The following ZNF746 variants were observed in gnomAD, a reference collection of about 807,000 sequenced individuals.
ZNF746 encodes parkin-interacting substrate.
Under a neutral mutation model 41.0 loss-of-function variants are expected in ZNF746, and 13 were observed. The ratio of observed to expected loss-of-function variants is 0.32; its 90% CI spans 0.21 to 0.50. The LOEUF (loss-of-function observed/expected upper bound fraction) is 0.50. ZNF746 is among the 20% of genes least tolerant of loss of function. The pLI, the probability that ZNF746 is intolerant of heterozygous loss-of-function variation, is 0.98. For missense variants in ZNF746, 811 were observed against 922.9 expected (o/e 0.88, Z 1.57); for synonymous variants, 424 against 396.2 (o/e 1.07, Z -0.83).
chr7:149,493,506 GC>G (rs1005042849), intron 3 of ZNF746, among the ~76,000 whole-genome samples: 272 of 152,308 alleles, frequency 1.8e-3, no homozygotes, highest in African/African-American at 6.0e-3. Context: ...AAGAGCAGTA[GC>G]CCCAGGGGCT....
intron 5 of ZNF746, 96 bp downstream of exon 5, chr7:149,477,468 G>A (rs916107029): frequency 5.8e-6 from 8 of 1,375,046 alleles, no homozygotes; most frequent in Non-Finnish European, 8.0e-6. Context: ...CGGAAGTGTT[G>A]AGGGCCCACA....
Position 149,497,033 on chromosome 7 carries a change from G to A in ZNF746, c.24+480C>T, listed in dbSNP as rs1012725933. 6 of 985,308 alleles carry A rather than the reference G, an allele frequency of 6.1e-6. No individual in the cohort carries two copies. In the African/African-American group the frequency reaches 1.0e-4, roughly 17 times the overall value. 61.0% of individuals were successfully genotyped at this position (985,308 alleles called of 1,614,324 possible). A position where few individuals can be genotyped will look rare whatever the true frequency, so the allele number is the denominator to read the frequency against. On this transcript the variant is annotated intron_variant, in intron 1 of 6. Coordinates refer to ENST00000458143, the MANE Select transcript of ZNF746 (RefSeq NM_001394198.1). The surrounding 1 kb of genome is among the most constrained non-coding windows in gnomAD (Gnocchi z 4.2). ...TCAACAGGGCTTGTGGAAGTGCGTG[G>A]CTCTATATTCCCTTCCGCGCCGACC...
rs905385256 is a variant in ZNF746, at chr7:149,474,188, C to T, written c.*196G>A. 14 of 583,604 alleles carry T rather than the reference C, an allele frequency of 2.4e-5. No homozygotes were observed. The highest frequency in any genetic ancestry group is 4.1e-5 in the Non-Finnish European group (14 of 342,654). 36.2% of individuals were successfully genotyped at this position (583,604 alleles called of 1,614,324 possible). On this transcript the variant is annotated 3_prime_UTR_variant, in exon 7 of 7. Transcript: ENST00000458143. The surrounding 1 kb of genome is among the most constrained non-coding windows in gnomAD (Gnocchi z 6.3). ...AAAATTCTACGGCGCTCCCATTTCA[C>T]AGAGAATTCTACTTGGTTTAGAGGT...
At chr7:149,482,389 G>C (rs1800507878) in intron 4 of ZNF746, among the ~76,000 whole-genome samples, 2 of 150,612 alleles carry the variant, frequency 1.3e-5, no homozygotes, top group Admixed American at 6.6e-5. Flanking sequence ...AATAAACTTT[G>C]AAAGTAAAAA....
In ZNF746 at chr7:149,476,904, T is replaced by A; in HGVS notation, c.883+18A>T. ...CAGGCAAGCATGGCCCTTCCCTTCCTCCTCTCGCCACCTGTACCTTCCGTG... is the reference window on the plus strand; with the variant it reads ...CAGGCAAGCATGGCCCTTCCCTTCCACCTCTCGCCACCTGTACCTTCCGTG... On this transcript the variant is annotated intron_variant, in intron 6 of 6. Transcript: ENST00000458143. 1 of 1,613,770 alleles carries A rather than the reference T, an allele frequency of 6.2e-7. No individual in the cohort carries two copies. Among genetic ancestry groups the A allele is most frequent in the Non-Finnish European group, 8.5e-7 (1 of 1,179,906 alleles).
chr7:149,487,734 C>T (rs138547568), intron 4 of ZNF746: 2 of 152,178 alleles, frequency 1.3e-5, no homozygotes, highest in African/African-American at 4.8e-5. Context: ...AAACAACTAT[C>T]AGAAGAAAAC....
Position 149,475,494 on chromosome 7 carries a change from C to A in ZNF746, c.884-11G>T, listed in dbSNP as rs1585719461. ...CAATTTTTACATCTGCTGAGAAAGA[C>A]AGAAAGACAGATACTGACCTGTCCC... On this transcript the variant is annotated splice_polypyrimidine_tract_variant and intron_variant, in intron 6 of 6. Transcript: ENST00000458143. 5 of 1,606,670 alleles carry A rather than the reference C, an allele frequency of 3.1e-6. No individual in the cohort carries two copies. Among genetic ancestry groups the A allele is most frequent in the Non-Finnish European group, 4.3e-6 (5 of 1,175,604 alleles).
At chr7:149,488,677 A>C (rs1380511000) in intron 4 of ZNF746, 1 of 152,282 alleles carries the variant, frequency 6.6e-6, no homozygotes, top group African/African-American at 2.4e-5. Flanking sequence ...TCAGGTCGGC[A>C]AAAATGTAAT....
intron 6 of ZNF746, among the ~76,000 whole-genome samples, chr7:149,476,096 T>C (rs1343004821): frequency 6.6e-6 from 1 of 152,078 alleles, no homozygotes; most frequent in Admixed American, 6.5e-5. Flanking sequence ...GGGGGGATCA[T>C]GAGGTCAGGA....
chr7:149,497,515 G>T lies in ZNF746; in HGVS notation c.22C>A (p.Pro8Thr), dbSNP rs914580786. The T allele has an allele frequency of 3.6e-6, 4 of 1,104,044 alleles. No homozygotes were observed. The highest frequency in any genetic ancestry group is 4.4e-6 in the Non-Finnish European group (4 of 908,742). 68.4% of individuals were successfully genotyped at this position (1,104,044 alleles called of 1,614,324 possible). A position where few individuals can be genotyped will look rare whatever the true frequency, so the allele number is the denominator to read the frequency against. The change falls in exon 1 of 7, where the codon CCG becomes ACG. Residue 8 changes from proline to threonine, a missense_variant and splice_region_variant. This residue lies in a region of ZNF746 where 147 missense variants were observed against 233.4 expected (regional missense o/e 0.63). Coordinates refer to ENST00000458143, the MANE Select transcript of ZNF746 (RefSeq NM_001394198.1). The surrounding 1 kb of genome is among the most constrained non-coding windows in gnomAD (Gnocchi z 4.2). MAEAVAAPISPWTMAATI... is the reference protein window; with the variant it reads MAEAVAATISPWTMAATI... ...CTGCGCGCGCGGGTCGCCCTTACCG[G>T]AGCCGCGACCGCCTCGGCCATGGCC...
intron 1 of ZNF746, among the ~76,000 whole-genome samples, chr7:149,496,272 T>C (rs1372730150): frequency 2.0e-5 from 3 of 152,220 alleles, no homozygotes; most frequent in Non-Finnish European, 4.4e-5. Flanking sequence ...GGAAACCCTG[T>C]GTAAGGTCTT....
At chr7:149,489,150 GGA>G (rs1408058404) in intron 4 of ZNF746, 5 of 151,332 alleles carry the variant, frequency 3.3e-5, no homozygotes, top group African/African-American at 1.2e-4. Context: ...TTTAAAATGT[GGA>G]TAGAAAGAAT....
chr7:149,474,969 GC>G lies in ZNF746; in HGVS notation c.1397del (p.Gly466AlafsTer19). Reference protein sequence around the residue: ...LKKHPAAPPGGRPFTCATCGK... With the variant: ...LKKHPAAPPGXRPFTCATCGK... ...CACACGTGGCGCAGGTGAAGGGCCG[GC>G]CCCCGGGGGGCGCCGCGGGGTGCTT... On this transcript the variant is annotated frameshift_variant, in exon 7 of 7. Transcript: ENST00000458143. LOFTEE classifies it low-confidence loss of function (END_TRUNC). The surrounding 1 kb of genome is among the most constrained non-coding windows in gnomAD (Gnocchi z 6.3). 1 of 1,548,038 alleles carries G rather than the reference GC, an allele frequency of 6.5e-7. No homozygotes were observed. Among genetic ancestry groups the G allele is most frequent in the Admixed American group, 2.0e-5 (1 of 50,792 alleles).
rs1801027901 is a variant in ZNF746 at position 149,497,135 on chromosome 7, C to A, written c.24+378G>T. 1.0e-6 allele frequency: 1 copy of A among 985,214 alleles called. No individual in the cohort carries two copies. 61.0% of individuals were successfully genotyped at this position (985,214 alleles called of 1,614,324 possible). A position where few individuals can be genotyped will look rare whatever the true frequency, so the allele number is the denominator to read the frequency against. On this transcript the variant is annotated intron_variant, in intron 1 of 6. Coordinates refer to ENST00000458143, the MANE Select transcript of ZNF746 (RefSeq NM_001394198.1). The surrounding 1 kb of genome is among the most constrained non-coding windows in gnomAD (Gnocchi z 4.2). Reference sequence around the variant, plus strand: ...ACACCTCCCAGGTGCCACCAGGCCGCTGCGGGGGAGATGGAGAGGGACCTA... The same window carrying A: ...ACACCTCCCAGGTGCCACCAGGCCGATGCGGGGGAGATGGAGAGGGACCTA...
At chr7:149,490,930 CAG>C (rs1800783843) in intron 4 of ZNF746, 1 of 152,514 alleles carries the variant, frequency 6.6e-6, no homozygotes, top group African/African-American at 2.4e-5. Context: ...GGGCTCAAGA[CAG>C]AGGCAGGGAA....
At chr7:149,477,446 A>C in intron 5 of ZNF746, 118 bp downstream of exon 5, 1 of 1,240,702 alleles carries the variant, frequency 8.1e-7, no homozygotes. Context: ...AAAATTTCTA[A>C]AGTTGTCAGG....
Position 149,483,786 on chromosome 7 carries a change from G to C in ZNF746, c.566-6031C>G, listed in dbSNP as rs926944162. On this transcript the variant is annotated intron_variant, in intron 4 of 6. Transcript: ENST00000458143. The stretch of plus-strand genomic sequence containing the variant: ...AGATAGAATATAGTTAGTCAAAGTT[G>C]GTTATTTGAAGAGACTGTTAAACCA... Among the ~76,000 whole-genome samples the C allele has an allele frequency of 2.6e-5, 4 of 152,090 alleles. No individual in the cohort carries two copies. In the East Asian group the frequency reaches 5.8e-4, roughly 22 times the overall value.
chr7:149,486,168 A>G (rs181192433), intron 4 of ZNF746, among the ~76,000 whole-genome samples: 427 of 152,346 alleles, frequency 2.8e-3, no homozygotes, highest in Non-Finnish European at 4.8e-3. Flanking sequence ...GTTTTAAACC[A>G]TAAATTTTAA....
chr7:149,493,336 T>C (rs1800875570), intron 3 of ZNF746, among the ~76,000 whole-genome samples: 1 of 152,210 alleles, frequency 6.6e-6, no homozygotes, highest in South Asian at 2.1e-4. Context: ...AGCAGTGCAC[T>C]TGTGCTGACG....
Sources: allele counts gnomAD v4.1 joint callset (sites outside exome capture counted in the v4.1 genomes callset), GRCh38; gene constraint gnomAD v4.1.1; regional missense constraint gnomAD v4.1.1; non-coding constraint Gnocchi (gnomAD v3.1); transcripts MANE v1.5; gene names NCBI Gene and HGNC (gene_info 2026-07-23, HGNC 2026-07-21).